TMEM45B: variants seen among roughly 807,000 people sequenced by gnomAD.
TMEM45B encodes transmembrane protein 45B.
TMEM45B carries 29 observed loss-of-function variants against 27.3 expected under a neutral mutation model. The ratio of observed to expected loss-of-function variants is 1.06; its 90% confidence interval spans 0.79 to 1.45. The LOEUF (loss-of-function observed/expected upper bound fraction) is 1.45, where lower values mean the gene tolerates loss of function less well. TMEM45B is among the 40% of genes most tolerant of loss of function. The pLI is 0.00. For synonymous variants in TMEM45B, 143 were observed against 134.7 expected (o/e 1.06, Z -0.43); for missense variants, 348 against 343.9 (o/e 1.01, Z -0.09).
At chr11:129,837,709 C>A (rs1329419556) in intron 1 of TMEM45B, among the ~76,000 whole-genome samples, 1 of 150,082 alleles carries the variant, frequency 6.7e-6, no homozygotes, top group Non-Finnish European at 1.5e-5. Flanking sequence ...ACCACCACAC[C>A]CAGCTAATTT....
At chr11:129,825,304 G>C (rs1209836925) in intron 1 of TMEM45B, among the ~76,000 whole-genome samples, 2 of 151,968 alleles carry the variant, frequency 1.3e-5, no homozygotes, top group Non-Finnish European at 2.9e-5. Flanking sequence ...GGGGAGAAGA[G>C]AGTCCAGAAT....
chr11:129,829,997 G>T (rs532697425), intron 1 of TMEM45B, among the ~76,000 whole-genome samples: 15 of 152,336 alleles, frequency 9.8e-5, no homozygotes, highest in Non-Finnish European at 1.9e-4. Context: ...AAAGAATAAA[G>T]TTGGATCCCT....
chr11:129,815,907 T>C lies in TMEM45B; in HGVS notation c.-9+9T>C. 7.9e-7 allele frequency: 1 copy of C among 1,273,270 alleles called. No homozygotes were observed. The allele number at this position is 1,273,270 out of a possible 1,614,324, so 78.9% of individuals were successfully genotyped here. A position where few individuals can be genotyped will look rare whatever the true frequency, so the allele number is the denominator to read the frequency against. On this transcript the variant is annotated intron_variant, in intron 1 of 5. Coordinates refer to ENST00000281441, the MANE Select transcript of TMEM45B (RefSeq NM_138788.5). Reference sequence around the variant, plus strand: ...CGAGGCGCTGGGCACAGGTCAGACGTCCGTACCCGCAGGGGGCTCGAACCT... The same window carrying C: ...CGAGGCGCTGGGCACAGGTCAGACGCCCGTACCCGCAGGGGGCTCGAACCT...
intron 1 of TMEM45B, among the ~76,000 whole-genome samples, chr11:129,838,974 C>G (rs1196740296): frequency 3.9e-5 from 6 of 152,166 alleles, no homozygotes; most frequent in Non-Finnish European, 1.5e-5. Flanking sequence ...CATAATTTCT[C>G]CTTTCCTTGG....
At chr11:129,856,106 T>G (rs933707306) in intron 4 of TMEM45B, among the ~76,000 whole-genome samples, 2 of 152,158 alleles carry the variant, frequency 1.3e-5, no homozygotes, top group African/African-American at 4.8e-5. Flanking sequence ...AATCCAAAAT[T>G]TAAAGCATGC....
chr11:129,829,102 A>G (rs1947519753), intron 1 of TMEM45B, among the ~76,000 whole-genome samples: 1 of 152,326 alleles, frequency 6.6e-6, no homozygotes, highest in Non-Finnish European at 1.5e-5. Context: ...AAGGAGGAGT[A>G]CTGAGATTCA....
chr11:129,842,358 C>T (rs1292868531), intron 1 of TMEM45B, among the ~76,000 whole-genome samples: 1 of 152,110 alleles, frequency 6.6e-6, no homozygotes, highest in East Asian at 1.9e-4. Flanking sequence ...ACAGGAAGGA[C>T]AAAGCCAGAA....
intron 1 of TMEM45B, among the ~76,000 whole-genome samples, chr11:129,840,436 G>A (rs1371997484): frequency 2.0e-5 from 3 of 152,134 alleles, no homozygotes; most frequent in Non-Finnish European, 4.4e-5. Flanking sequence ...GAGGGAAGCC[G>A]GTTAGTCACT....
intron 1 of TMEM45B, among the ~76,000 whole-genome samples, chr11:129,846,167 G>A (rs1731888867): frequency 6.6e-6 from 1 of 152,134 alleles, no homozygotes; most frequent in African/African-American, 2.4e-5. Flanking sequence ...ATTAACCCCA[G>A]AATAAAACAA....
intron 1 of TMEM45B, among the ~76,000 whole-genome samples, chr11:129,830,441 T>C (rs1243036732): frequency 6.6e-6 from 1 of 152,212 alleles, no homozygotes; most frequent in Non-Finnish European, 1.5e-5. Flanking sequence ...CAGTGGTTTC[T>C]TGGATATAAC....
chr11:129,828,877 G>C (rs1947516897), intron 1 of TMEM45B, among the ~76,000 whole-genome samples: 2 of 152,210 alleles, frequency 1.3e-5, no homozygotes, highest in Admixed American at 6.5e-5. Context: ...TTTAGGGTCA[G>C]CTACTCAAAA....
At chr11:129,851,911 G>A (rs1308381595) in intron 1 of TMEM45B, among the ~76,000 whole-genome samples, 1 of 152,172 alleles carries the variant, frequency 6.6e-6, no homozygotes, top group African/African-American at 2.4e-5. Flanking sequence ...GGTGAAAAAT[G>A]ATGTTGTGCT....
intron 1 of TMEM45B, among the ~76,000 whole-genome samples, chr11:129,836,237 C>G (rs1488124319): frequency 6.6e-6 from 1 of 152,008 alleles, no homozygotes; most frequent in Non-Finnish European, 1.5e-5. Flanking sequence ...TATGCTCTGC[C>G]TGTCCTGTTT....
rs1171585406 is a variant in TMEM45B, at chr11:129,855,793, G to T, written c.471G>T (p.Gly157=). 1 of 1,614,146 alleles carries T rather than the reference G, an allele frequency of 6.2e-7. No individual in the cohort carries two copies. Among genetic ancestry groups the T allele is most frequent in the South Asian group, 1.1e-5 (1 of 91,070 alleles). The change falls in exon 4 of 6, where the codon GGG becomes GGT. Residue 157 remains glycine, a synonymous_variant. Transcript: ENST00000281441. ...HSLLLYALFG[G]CVSISLEVIF... The stretch of plus-strand genomic sequence containing the variant: ...TCCTGCTGTATGCTCTGTTCGGAGG[G>T]TGTGTTAGTATCTCCCTAGAGGTGA...
intron 1 of TMEM45B, among the ~76,000 whole-genome samples, chr11:129,848,241 G>C (rs886637566): frequency 1.1e-4 from 17 of 152,182 alleles, no homozygotes; most frequent in Admixed American, 2.6e-4. Context: ...CTGAGTGAAC[G>C]AGACTCCGTC....
chr11:129,826,604 CA>C (rs2135558076), intron 1 of TMEM45B, among the ~76,000 whole-genome samples: 1 of 146,164 alleles, frequency 6.8e-6, no homozygotes, highest in South Asian at 2.2e-4. Context: ...CTCAAGGTCA[CA>C]GAGTGAATTC....
rs574653062 is a variant in TMEM45B at position 129,836,171 on chromosome 11, G to A, written c.-8-16304G>A. 4.6e-5 allele frequency among the ~76,000 whole-genome samples: 7 copies of A among 152,140 alleles called. No homozygotes were observed. In the East Asian group the frequency reaches 1.4e-3, roughly 29 times the overall value. On this transcript the variant is annotated intron_variant, in intron 1 of 5. Coordinates refer to ENST00000281441, the MANE Select transcript of TMEM45B (RefSeq NM_138788.5). Reference sequence around the variant, plus strand: ...ATTTGCCCTACCAGGTTCCAGGACAGGAGATCCATGACCACTTTCTTCTTT... The same window carrying A: ...ATTTGCCCTACCAGGTTCCAGGACAAGAGATCCATGACCACTTTCTTCTTT...
chr11:129,848,013 G>GGCGCTCCTC (rs1947789636), intron 1 of TMEM45B, among the ~76,000 whole-genome samples: 3 of 151,530 alleles, frequency 2.0e-5, no homozygotes, highest in Non-Finnish European at 4.4e-5. Flanking sequence ...GCCGGGCAGA[G>GGCGCTCCTC]ACGCTCCTCA....
intron 5 of TMEM45B, among the ~76,000 whole-genome samples, chr11:129,858,362 T>C (rs1591456173): frequency 6.6e-6 from 1 of 152,362 alleles, no homozygotes; most frequent in African/African-American, 2.4e-5. Context: ...AGGCAAGACC[T>C]TGGCCTCAAT....
Sources: gnomAD v4.1 joint callset for allele counts (sites outside exome capture counted in the v4.1 genomes callset) on GRCh38, gnomAD v4.1.1 for gene constraint, MANE v1.5 for transcripts, NCBI Gene and HGNC (gene_info 2026-07-23, HGNC 2026-07-21) for gene names.